REG1A: variants seen among roughly 807,000 people sequenced by gnomAD.
The protein encoded by REG1A is regenerating family member 1 alpha.
In REG1A, 20 loss-of-function variants were observed where a neutral mutation model predicts 20.7. That is an observed-to-expected ratio of 0.97 (90% confidence interval 0.68 to 1.41). The LOEUF is 1.41. Among genes scored for constraint, REG1A ranks in the 40% most tolerant of loss-of-function variants. REG1A has a pLI of 0.00. For missense variants in REG1A, 193 were observed against 201.8 expected, an observed-to-expected ratio of 0.96 and a Z score of 0.26; for synonymous variants, 90 against 71.6, an observed-to-expected ratio of 1.26 and a Z score of -1.30.
Position 79,121,550 on chromosome 2 carries a change from C to A in REG1A, c.65-12C>A, listed in dbSNP as rs1337426846. The A allele has an allele frequency of 6.2e-7, 1 of 1,611,002 alleles. No individual in the cohort carries two copies. The highest frequency in any genetic ancestry group is 8.5e-7 in the Non-Finnish European group (1 of 1,177,292). ...CCCTGAGAGCCTCCTTTAATTGTCTCTTCTTTTTCAGGCCAAGAGGCCCAG... is the reference window on the plus strand; with the variant it reads ...CCCTGAGAGCCTCCTTTAATTGTCTATTCTTTTTCAGGCCAAGAGGCCCAG... On this transcript the variant is annotated splice_polypyrimidine_tract_variant and intron_variant, in intron 2 of 5. Transcript: ENST00000233735.
chr2:79,123,249 C>A lies in REG1A; in HGVS notation c.*34C>A. On this transcript the variant is annotated 3_prime_UTR_variant, in exon 6 of 6. Transcript: ENST00000233735. ...GGAAAATACATGTCTAGAACTGATC[C>A]AGCAATTACAACGGAGTCAAAAATT... 1 of 1,395,176 alleles carries A rather than the reference C, an allele frequency of 7.2e-7. No homozygotes were observed. Among genetic ancestry groups the A allele is most frequent in the Non-Finnish European group, 1.0e-6 (1 of 994,696 alleles). The allele number at this position is 1,395,176 out of a possible 1,614,324, so 86.4% of individuals were successfully genotyped here.
chr2:79,122,439 T>C (rs1672901583), intron 4 of REG1A, among the ~76,000 whole-genome samples: 1 of 152,164 alleles, frequency 6.6e-6, no homozygotes, highest in Non-Finnish European at 1.5e-5. Context: ...GCCGACTATA[T>C]AGGAAAGGAG....
At chr2:79,121,915 G>A (rs144730578) in intron 3 of REG1A, 73 bp from the exon 4 acceptor site, 153 of 1,582,740 alleles carry the variant, frequency 9.7e-5, no homozygotes, top group Middle Eastern at 1.7e-4. Context: ...TTTCTGACCC[G>A]TCCTCTTGGA....
chr2:79,121,246 A>C (rs1672881920), intron 2 of REG1A, among the ~76,000 whole-genome samples: 1 of 152,178 alleles, frequency 6.6e-6, no homozygotes, highest in African/African-American at 2.4e-5. Context: ...GGAGAACTGA[A>C]GAGAGCCTTG....
In REG1A at chr2:79,123,333, G is replaced by A. The variant is rs769133532; in HGVS notation, c.*118G>A. ...GGACACTCTCTTCTCTGCTGAGTTTGCCTTGTTAATCTTCAATAGTTTTAC... is the reference window on the plus strand; with the variant it reads ...GGACACTCTCTTCTCTGCTGAGTTTACCTTGTTAATCTTCAATAGTTTTAC... On this transcript the variant is annotated 3_prime_UTR_variant, in exon 6 of 6. Transcript: ENST00000233735. 14 of 610,938 alleles carry A rather than the reference G, an allele frequency of 2.3e-5. No homozygotes were observed. Among genetic ancestry groups the A allele is most frequent in the Non-Finnish European group, 3.8e-5 (13 of 346,592 alleles). The allele number at this position is 610,938 out of a possible 1,614,324, so 37.8% of individuals were successfully genotyped here. A position where few individuals can be genotyped will look rare whatever the true frequency, so the allele number is the denominator to read the frequency against.
At chr2:79,122,810 A>C (rs776692974) in intron 4 of REG1A, 31 bp from the exon 5 acceptor site, 1 of 1,502,012 alleles carries the variant, frequency 6.7e-7, no homozygotes, top group South Asian at 1.1e-5. Context: ...TTGAGTGACC[A>C]CTGCCTCTGT....
At chr2:79,121,757 C>A in intron 3 of REG1A, 77 bp downstream of exon 3, 1 of 1,430,986 alleles carries the variant, frequency 7.0e-7, no homozygotes, top group Non-Finnish European at 9.9e-7. Flanking sequence ...TGTTCAGTGG[C>A]TGCAATGAGA....
chr2:79,121,883 C>T (rs923436786), intron 3 of REG1A, 105 bp from the exon 4 acceptor site: 41 of 1,472,808 alleles, frequency 2.8e-5, no homozygotes, highest in Admixed American at 8.5e-5. Flanking sequence ...AGCATCATCA[C>T]GGACATTACT....
chr2:79,120,831 C>A lies in REG1A; in HGVS notation c.-31C>A. ...TCTCCTATAGAGATTGTTGATTTGC[C>A]TCTTAAGCAAGAGATTCATTGCAGC... On this transcript the variant is annotated 5_prime_UTR_variant, in exon 2 of 6. Transcript: ENST00000233735. The A allele has an allele frequency of 6.4e-7, 1 of 1,574,528 alleles. No homozygotes were observed.
At position 79,122,176 on chromosome 2, in the gene REG1A, A is replaced by C. The variant is rs746815132; in HGVS notation, c.321+51A>C. ...TAATGATCAGGTTTGAGAAGTAAGAAGGAGGTTCAAGTTCTGGTCTCTTAA... is the reference window on the plus strand; with the variant it reads ...TAATGATCAGGTTTGAGAAGTAAGACGGAGGTTCAAGTTCTGGTCTCTTAA... On this transcript the variant is annotated intron_variant, in intron 4 of 5. Coordinates refer to ENST00000233735, the MANE Select transcript of REG1A (RefSeq NM_002909.5). 7.6e-6 allele frequency: 12 copies of C among 1,586,998 alleles called. No individual in the cohort carries two copies. The South Asian group carries it at 1.4e-4, about 18-fold the overall frequency.
Position 79,122,882 on chromosome 2 carries a change from C to T in REG1A, c.363C>T (p.Tyr121=). The part of the protein sequence containing the change: ...WHWSSGSLVS[Y]KSWGIGAPSS... Reference sequence around the variant, plus strand: ...GGAGCAGTGGGTCCCTGGTCTCCTACAAGTCCTGGGGCATTGGAGCCCCAA... The same window carrying T: ...GGAGCAGTGGGTCCCTGGTCTCCTATAAGTCCTGGGGCATTGGAGCCCCAA... Residue 121 remains tyrosine, a synonymous_variant, in exon 5 of 6, where the codon TAC becomes TAT. Coordinates refer to ENST00000233735, the MANE Select transcript of REG1A (RefSeq NM_002909.5). The T allele has an allele frequency of 6.2e-7, 1 of 1,613,908 alleles. No individual in the cohort carries two copies. The highest frequency in any genetic ancestry group is 1.3e-5 in the African/African-American group (1 of 75,040).
At chr2:79,120,774 C>A in intron 1 of REG1A, 42 bp from the exon 2 acceptor site, 2 of 1,039,726 alleles carry the variant, frequency 1.9e-6, no homozygotes, top group Non-Finnish European at 2.8e-6. Context: ...AGGTGCTTTG[C>A]TCTCCATCTC....
chr2:79,120,813 T>C lies in REG1A; in HGVS notation c.-46-3T>C. 1.3e-6 allele frequency: 2 copies of C among 1,492,320 alleles called. No homozygotes were observed. Among genetic ancestry groups the C allele is most frequent in the South Asian group, 1.2e-5 (1 of 84,776 alleles). The allele number at this position is 1,492,320 out of a possible 1,614,324, so 92.4% of individuals were successfully genotyped here. A position where few individuals can be genotyped will look rare whatever the true frequency, so the allele number is the denominator to read the frequency against. On this transcript the variant is annotated splice_polypyrimidine_tract_variant and splice_region_variant and intron_variant, in intron 1 of 5. Coordinates refer to ENST00000233735, the MANE Select transcript of REG1A (RefSeq NM_002909.5). The stretch of plus-strand genomic sequence containing the variant: ...GAACCCCCTTCTCTGTGTTCTCCTA[T>C]AGAGATTGTTGATTTGCCTCTTAAG...
chr2:79,123,115 C>G, intron 5 of REG1A, 33 bp from the exon 6 acceptor site: 1 of 1,566,744 alleles, frequency 6.4e-7, no homozygotes, highest in South Asian at 1.1e-5. Flanking sequence ...TCTTTCGGGT[C>G]TCCCAGTTGT....
intron 2 of REG1A, among the ~76,000 whole-genome samples, chr2:79,121,186 C>T (rs550024831): frequency 2.6e-5 from 4 of 152,176 alleles, no homozygotes; most frequent in Non-Finnish European, 5.9e-5. Context: ...TAAATTTATA[C>T]GTGATGGTGG....
In REG1A at chr2:79,122,028, TG is replaced by T; in HGVS notation, c.225del (p.Leu76SerfsTer12). On this transcript the variant is annotated frameshift_variant, in exon 4 of 6. Coordinates refer to ENST00000233735, the MANE Select transcript of REG1A (RefSeq NM_002909.5). LOFTEE classifies it high-confidence loss of function. ...ATGAATTCGGGCAACCTGGTGTCTGTGCTCACCCAGGCCGAGGGTGCCTTTG... is the reference window on the plus strand; with the variant it reads ...ATGAATTCGGGCAACCTGGTGTCTGTCTCACCCAGGCCGAGGGTGCCTTTG... ...QNMNSGNLVS[V>X]LTQAEGAFVA... 1 of 1,614,118 alleles carries T rather than the reference TG, an allele frequency of 6.2e-7. No individual in the cohort carries two copies. The highest frequency in any genetic ancestry group is 8.5e-7 in the Non-Finnish European group (1 of 1,180,030).
chr2:79,123,307 T>G lies in REG1A; in HGVS notation c.*92T>G. On this transcript the variant is annotated 3_prime_UTR_variant, in exon 6 of 6. Coordinates refer to ENST00000233735, the MANE Select transcript of REG1A (RefSeq NM_002909.5). ...ACCATCTCTCCAACTCAACTCAACC[T>G]GGACACTCTCTTCTCTGCTGAGTTT... The G allele has an allele frequency of 1.3e-6, 1 of 744,508 alleles. No homozygotes were observed. Among genetic ancestry groups the G allele is most frequent in the Non-Finnish European group, 2.3e-6 (1 of 439,164 alleles). 46.1% of individuals were successfully genotyped at this position (744,508 alleles called of 1,614,324 possible).
In REG1A at chr2:79,121,689, G is replaced by A. The variant is rs759219340; in HGVS notation, c.183+9G>A. Reference sequence around the variant, plus strand: ...CCTGGGTTGATGCAGATGTGAGTGAGGAGAGCAGTGTGGGAAGGGAGACTC... The same window carrying A: ...CCTGGGTTGATGCAGATGTGAGTGAAGAGAGCAGTGTGGGAAGGGAGACTC... On this transcript the variant is annotated intron_variant, in intron 3 of 5. Transcript: ENST00000233735. 3 of 1,611,508 alleles carry A rather than the reference G, an allele frequency of 1.9e-6. No homozygotes were observed. The highest frequency in any genetic ancestry group is 2.2e-5 in the South Asian group (2 of 91,038).
At position 79,122,708 on chromosome 2, in the gene REG1A, G is replaced by A. The variant is rs192840258; in HGVS notation, c.322-133G>A. The A allele has an allele frequency of 2.7e-3, 1,887 of 692,944 alleles. 8 individuals are homozygous for A. The highest frequency in any genetic ancestry group is 3.9e-3 in the Non-Finnish European group (1,510 of 388,450). 42.9% of individuals were successfully genotyped at this position (692,944 alleles called of 1,614,324 possible). On this transcript the variant is annotated intron_variant, in intron 4 of 5. Transcript: ENST00000233735. ...GAAAGAAGTTTAGAGCAATAGCAAA[G>A]GAAAGGAAACAATATTTAGCAAGGT...
Sources: allele counts gnomAD v4.1 joint callset (sites outside exome capture counted in the v4.1 genomes callset), GRCh38; gene constraint gnomAD v4.1.1; transcripts MANE v1.5; gene names NCBI Gene and HGNC (gene_info 2026-07-23, HGNC 2026-07-21).